GRM8: variants seen among roughly 807,000 people sequenced by gnomAD.
GRM8 encodes glutamate metabotropic receptor 8.
A neutral mutation model predicts 87.2 loss-of-function variants in GRM8; 47 were observed. The ratio of observed to expected loss-of-function variants is 0.54; its 90% CI spans 0.43 to 0.69. The LOEUF is 0.69. Among genes scored for constraint, GRM8 ranks in the 30% least tolerant of loss-of-function variants. GRM8 has a pLI of 0.00. For missense variants in GRM8, 1,019 were observed against 1,139.2 expected, an observed-to-expected ratio of 0.89 and a Z score of 1.52; for synonymous variants, 396 against 404.5, an observed-to-expected ratio of 0.98 and a Z score of 0.25.
chr7:126,723,094 T>C (rs2151460224), intron 7 of GRM8, among the ~76,000 whole-genome samples: 1 of 150,972 alleles, frequency 6.6e-6, no homozygotes, highest in South Asian at 2.1e-4. Context: ...TTTCCCTTTA[T>C]TAATAAAGAA....
intron 6 of GRM8, among the ~76,000 whole-genome samples, chr7:126,883,777 A>G (rs1370872396): frequency 6.6e-6 from 1 of 152,138 alleles, no homozygotes; most frequent in Non-Finnish European, 1.5e-5. Flanking sequence ...ACTATCATGC[A>G]ATTATATTGT....
intron 2 of GRM8, among the ~76,000 whole-genome samples, chr7:127,143,732 GA>G (rs200449016): frequency 0.015 from 2,303 of 152,050 alleles, 14 homozygotes; most frequent in Middle Eastern, 0.031. Flanking sequence ...ATTATATATG[GA>G]AAAAAATTAA....
At chr7:127,069,424 A>G (rs1821460648) in intron 3 of GRM8, among the ~76,000 whole-genome samples, 1 of 152,196 alleles carries the variant, frequency 6.6e-6, no homozygotes, top group African/African-American at 2.4e-5. Context: ...TTGGCCTCCC[A>G]AAGTGCTGGG....
At chr7:127,210,851 A>G (rs1049740998) in intron 2 of GRM8, among the ~76,000 whole-genome samples, 4 of 152,232 alleles carry the variant, frequency 2.6e-5, no homozygotes, top group African/African-American at 9.7e-5. Context: ...ATTTAGTACC[A>G]TATAGGTACC....
At chr7:127,119,305 G>A (rs1018000424) in intron 2 of GRM8, among the ~76,000 whole-genome samples, 6 of 152,120 alleles carry the variant, frequency 3.9e-5, no homozygotes, top group Admixed American at 3.9e-4. Context: ...GGCCAACATG[G>A]TGAAACCCCA....
chr7:127,186,857 A>G (rs902889302), intron 2 of GRM8, among the ~76,000 whole-genome samples: 1 of 152,156 alleles, frequency 6.6e-6, no homozygotes, highest in African/African-American at 2.4e-5. Context: ...CCCTTTACAC[A>G]TAGCACATCA....
intron 3 of GRM8, among the ~76,000 whole-genome samples, chr7:127,082,436 T>A (rs1822966868): frequency 6.6e-6 from 1 of 152,172 alleles, no homozygotes; most frequent in Non-Finnish European, 1.5e-5. Flanking sequence ...TATTAAGTTA[T>A]TCATGTCTCT....
intron 7 of GRM8, among the ~76,000 whole-genome samples, chr7:126,656,303 C>G (rs575067852): frequency 8.9e-4 from 135 of 152,244 alleles, no homozygotes; most frequent in Admixed American, 4.6e-3. Flanking sequence ...CCAGCCTTGA[C>G]GGCCTGGGGC....
intron 7 of GRM8, chr7:126,701,786 G>T: frequency 1.5e-6 from 2 of 1,291,404 alleles, no homozygotes; most frequent in Non-Finnish European, 2.0e-6. Flanking sequence ...GGAGTAAAAA[G>T]AGTTGGCCAG....
In GRM8 at chr7:126,744,381, G is replaced by A. The variant is rs61756391; in HGVS notation, c.1357+25484C>T. ...AATTTTCTGCCAATGATAAAATTTG[G>A]GCCTTCGTATAAAAATATTTTGGAA... On this transcript the variant is annotated intron_variant, in intron 7 of 10. Coordinates refer to ENST00000339582, the MANE Select transcript of GRM8 (RefSeq NM_000845.3). Among the ~76,000 whole-genome samples, 1,498 of 151,956 alleles carry A rather than the reference G, an allele frequency of 9.9e-3. 25 individuals carry two copies. Among genetic ancestry groups the A allele is most frequent in the African/African-American group, 0.034 (1,423 of 41,494 alleles).
intron 7 of GRM8, among the ~76,000 whole-genome samples, chr7:126,612,462 TC>T (rs1387949149): frequency 1.3e-5 from 2 of 152,172 alleles, no homozygotes; most frequent in African/African-American, 4.8e-5. Context: ...GGCTCAAGGG[TC>T]ATGCACTTAC....
chr7:126,620,675 C>A (rs1362737921), intron 7 of GRM8, among the ~76,000 whole-genome samples: 4 of 99,256 alleles, frequency 4.0e-5, no homozygotes, highest in Non-Finnish European at 6.2e-5. Flanking sequence ...GGCATAATAA[C>A]CCCAACCTTC....
At chr7:126,845,300 A>T (rs1355628093) in intron 6 of GRM8, among the ~76,000 whole-genome samples, 1 of 152,218 alleles carries the variant, frequency 6.6e-6, no homozygotes, top group Non-Finnish European at 1.5e-5. Context: ...AATCCCTTCC[A>T]GACAAGGATA....
chr7:126,452,551 A>C (rs989900456), intron 9 of GRM8, among the ~76,000 whole-genome samples: 2 of 151,700 alleles, frequency 1.3e-5, no homozygotes, highest in African/African-American at 4.8e-5. Flanking sequence ...ATGTATTTCC[A>C]AGAAGGAAAA....
At chr7:126,812,225 CAT>C (rs763202900) in intron 6 of GRM8, among the ~76,000 whole-genome samples, 5 of 151,938 alleles carry the variant, frequency 3.3e-5, no homozygotes, top group Non-Finnish European at 5.9e-5. Context: ...TTTAAGCAAT[CAT>C]GAGATGATTT....
intron 6 of GRM8, among the ~76,000 whole-genome samples, chr7:126,779,171 C>T (rs962992454): frequency 6.6e-6 from 1 of 151,866 alleles, no homozygotes; most frequent in Non-Finnish European, 1.5e-5. Context: ...GCAATTAATT[C>T]TTTTGTTATA....
At chr7:126,584,230 T>A (rs534484335) in intron 8 of GRM8, among the ~76,000 whole-genome samples, 1 of 152,122 alleles carries the variant, frequency 6.6e-6, no homozygotes, top group African/African-American at 2.4e-5. Context: ...AAGATAACTT[T>A]TTTTTTATTT....
At chr7:126,742,567 C>T (rs375845870) in intron 7 of GRM8, among the ~76,000 whole-genome samples, 4 of 152,114 alleles carry the variant, frequency 2.6e-5, no homozygotes, top group African/African-American at 9.6e-5. Flanking sequence ...GCCAACTCAC[C>T]ATTAATCAAC....
At chr7:127,090,345 G>A (rs1054140843) in intron 3 of GRM8, among the ~76,000 whole-genome samples, 5 of 152,142 alleles carry the variant, frequency 3.3e-5, no homozygotes, top group African/African-American at 1.2e-4. Context: ...GAATAAGCAA[G>A]TTCATCAGGG....
Sources: gnomAD v4.1 joint callset for allele counts (sites outside exome capture counted in the v4.1 genomes callset) on GRCh38, gnomAD v4.1.1 for gene constraint, MANE v1.5 for transcripts, NCBI Gene and HGNC (gene_info 2026-07-23, HGNC 2026-07-21) for gene names.